FARS2: variants seen among roughly 807,000 people sequenced by gnomAD.
FARS2 encodes the protein phenylalanyl-tRNA synthetase 2, mitochondrial.
A neutral mutation model predicts 46.4 loss-of-function variants in FARS2; 40 were observed. The observed-to-expected ratio is 0.86, with a 90% confidence interval of 0.67 to 1.12. The LOEUF (loss-of-function observed/expected upper bound fraction) is 1.12. Ranked by LOEUF, FARS2 falls within the 50% of genes most tolerant of loss-of-function variation. The probability of loss-of-function intolerance (pLI) is 0.00; values close to 1 mark genes in which losing one functional copy is unlikely to be tolerated. For missense variants in FARS2, 513 were observed against 567.9 expected (o/e 0.90, Z 0.98); for synonymous variants, 234 against 214.9 (o/e 1.09, Z -0.78).
intron 6 of FARS2, among the ~76,000 whole-genome samples, chr6:5,614,689 G>A (rs898212212): frequency 2.6e-5 from 4 of 152,268 alleles, no homozygotes; most frequent in African/African-American, 4.8e-5. Context: ...GTGAGCCATC[G>A]CGCTGGGCTG....
intron 6 of FARS2, among the ~76,000 whole-genome samples, chr6:5,743,295 G>A (rs984365976): frequency 2.0e-5 from 3 of 152,096 alleles, no homozygotes; most frequent in Non-Finnish European, 4.4e-5. Context: ...CATTGGAAAT[G>A]GCAGAGACCT....
upstream of FARS2, chr6:5,260,751 AT>A (rs748890377): frequency 1.5e-5 from 23 of 1,542,910 alleles, no homozygotes; most frequent in East Asian, 2.4e-5. Context: ...AGAAAAAAAA[AT>A]AAACGGGTCC....
intron 1 of FARS2, among the ~76,000 whole-genome samples, chr6:5,365,362 C>T (rs1187229375): frequency 9.4e-6 from 1 of 106,566 alleles, no homozygotes; most frequent in Non-Finnish European, 1.8e-5. Context: ...GGCAGAGTCT[C>T]ACTCTGTCAC....
At chr6:5,676,587 A>G (rs951018449) in intron 6 of FARS2, among the ~76,000 whole-genome samples, 24 of 152,236 alleles carry the variant, frequency 1.6e-4, no homozygotes, top group African/African-American at 5.5e-4. Flanking sequence ...ATGCCTTATA[A>G]TCATATATTC....
At chr6:5,312,355 T>G (rs533785057) in intron 1 of FARS2, among the ~76,000 whole-genome samples, 1 of 152,354 alleles carries the variant, frequency 6.6e-6, no homozygotes, top group Admixed American at 6.5e-5. Flanking sequence ...GCCTTTTTTA[T>G]ACACTTTCAC....
At chr6:5,647,067 C>G (rs1055616046) in intron 6 of FARS2, among the ~76,000 whole-genome samples, 3 of 152,078 alleles carry the variant, frequency 2.0e-5, no homozygotes, top group Non-Finnish European at 2.9e-5. Context: ...AAACAATGGC[C>G]CAAATGTATT....
At chr6:5,495,745 T>G (rs1292725612) in intron 4 of FARS2, among the ~76,000 whole-genome samples, 2 of 152,226 alleles carry the variant, frequency 1.3e-5, no homozygotes. Flanking sequence ...TCCATGCTAA[T>G]TATCTTCTCA....
intron 6 of FARS2, among the ~76,000 whole-genome samples, chr6:5,752,064 C>T (rs763594136): frequency 1.3e-5 from 2 of 152,034 alleles, no homozygotes; most frequent in Non-Finnish European, 2.9e-5. Flanking sequence ...GTGCAAAGAT[C>T]CCAAGAAGGG....
At chr6:5,516,081 C>T (rs563704505) in intron 4 of FARS2, among the ~76,000 whole-genome samples, 3 of 152,116 alleles carry the variant, frequency 2.0e-5, no homozygotes, top group Non-Finnish European at 4.4e-5. Flanking sequence ...AGTGGTTGAC[C>T]CCTCCATGTG....
intron 1 of FARS2, among the ~76,000 whole-genome samples, chr6:5,281,439 G>A (rs529414871): frequency 1.3e-5 from 2 of 152,146 alleles, no homozygotes; most frequent in African/African-American, 4.8e-5. Flanking sequence ...GTTTCATGGT[G>A]GATTTTTAAA....
intron 1 of FARS2, among the ~76,000 whole-genome samples, chr6:5,347,038 C>G (rs772645647): frequency 2.6e-5 from 4 of 151,824 alleles, no homozygotes; most frequent in Non-Finnish European, 4.4e-5. Context: ...CTCAGCCTCC[C>G]GAGTAGCTGG....
At chr6:5,456,444 G>T (rs921133932) in intron 4 of FARS2, among the ~76,000 whole-genome samples, 5 of 152,056 alleles carry the variant, frequency 3.3e-5, no homozygotes, top group African/African-American at 1.2e-4. Flanking sequence ...AAAGAGATGG[G>T]CAGGGTTGGC....
intron 5 of FARS2, among the ~76,000 whole-genome samples, chr6:5,599,238 A>G (rs181134326): frequency 2.6e-4 from 39 of 152,318 alleles, no homozygotes; most frequent in Non-Finnish European, 5.3e-4. Context: ...TGGAAGGCTT[A>G]TATCTGTCTC....
chr6:5,601,710 G>A (rs534593347), intron 5 of FARS2, among the ~76,000 whole-genome samples: 1 of 152,226 alleles, frequency 6.6e-6, no homozygotes, highest in East Asian at 1.9e-4. Context: ...ACATGGATTG[G>A]TAATGGTGGC....
At chr6:5,694,918 G>C (rs1758004868) in intron 6 of FARS2, 1 of 152,184 alleles carries the variant, frequency 6.6e-6, no homozygotes, top group Non-Finnish European at 1.5e-5. Flanking sequence ...AAGGTGTGAG[G>C]ATCGTTTGAG....
intron 6 of FARS2, among the ~76,000 whole-genome samples, chr6:5,671,883 T>C (rs1007912508): frequency 1.3e-5 from 2 of 152,150 alleles, no homozygotes; most frequent in Middle Eastern, 3.2e-3. Context: ...AAAATCACTG[T>C]AGGGGGACTG....
intron 4 of FARS2, 64 bp from the exon 5 acceptor site, chr6:5,545,116 A>G: frequency 2.7e-6 from 4 of 1,475,238 alleles, no homozygotes; most frequent in Admixed American, 1.7e-5. Context: ...ACTGTCAGGG[A>G]GTGGTATGAA....
At chr6:5,759,354 A>G (rs1434659693) in intron 6 of FARS2, among the ~76,000 whole-genome samples, 2 of 152,072 alleles carry the variant, frequency 1.3e-5, no homozygotes, top group Non-Finnish European at 2.9e-5. Flanking sequence ...AACTTTTAGC[A>G]CATTGTAATT....
intron 1 of FARS2, among the ~76,000 whole-genome samples, chr6:5,331,134 T>G (rs1173645520): frequency 1.3e-5 from 2 of 152,028 alleles, no homozygotes; most frequent in African/African-American, 4.8e-5. Flanking sequence ...ATTGATGGTC[T>G]TATTCTACAT....
Sources: gnomAD v4.1 joint callset for allele counts (sites outside exome capture counted in the v4.1 genomes callset) on GRCh38, gnomAD v4.1.1 for gene constraint, MANE v1.5 for transcripts, NCBI Gene and HGNC (gene_info 2026-07-23, HGNC 2026-07-21) for gene names.